Variants in SNAP91 observed in about 807,000 individuals in gnomAD.
The protein encoded by SNAP91 is synaptosome associated protein 91.
SNAP91 carries 27 observed loss-of-function variants against 100.3 expected under a neutral mutation model. The ratio of observed to expected loss-of-function variants is 0.27; its 90% CI spans 0.20 to 0.37. The LOEUF is 0.37. SNAP91 is among the 10% of genes least tolerant of loss of function. The probability of loss-of-function intolerance (pLI) is 1.00; values close to 1 mark genes in which losing one functional copy is unlikely to be tolerated. For missense variants in SNAP91, 986 were observed against 1,123.7 expected (o/e 0.88, Z 1.75); for synonymous variants, 404 against 398.6 (o/e 1.01, Z -0.16).
chr6:83,627,688 T>C (rs217342), intron 8 of SNAP91, among the ~76,000 whole-genome samples: 57,996 of 151,730 alleles, frequency 0.38, 11,558 homozygotes, highest in South Asian at 0.5. Flanking sequence ...GTGGGATCAA[T>C]TGTAATGTCA....
At chr6:83,670,866 T>C (rs2098773067) in intron 2 of SNAP91, among the ~76,000 whole-genome samples, 1 of 152,012 alleles carries the variant, frequency 6.6e-6, no homozygotes, top group African/African-American at 2.4e-5. Flanking sequence ...GACCTATTTG[T>C]CTGTCTTTAT....
rs755370506 is a variant in SNAP91 at position 83,593,642 on chromosome 6, G to C, written c.1532C>G (p.Thr511Arg). 1.9e-5 allele frequency: 31 copies of C among 1,613,340 alleles called. No homozygotes were observed. The highest frequency in any genetic ancestry group is 2.4e-5 in the Non-Finnish European group (28 of 1,179,674). ...PETSVPVVTPTASTAPPVPAT... is the reference protein window; with the variant it reads ...PETSVPVVTPRASTAPPVPAT... The stretch of plus-strand genomic sequence containing the variant: ...GGGAACTGGAGGGGCTGTGCTAGCT[G>C]TAGGGGTAACTACAGGAACACTGGT... The change falls in exon 18 of 30, where the codon ACA becomes AGA. Residue 511 changes from threonine to arginine, a missense_variant. This residue lies in a region of SNAP91 where 575 missense variants were observed against 579.9 expected (regional missense o/e 0.99). Transcript: ENST00000369694.
chr6:83,592,071 T>G (rs1011295919), intron 21 of SNAP91, among the ~76,000 whole-genome samples: 1 of 152,226 alleles, frequency 6.6e-6, no homozygotes, highest in African/African-American at 2.4e-5. Flanking sequence ...ATTTCTAAAT[T>G]ATCTATTAAT....
chr6:83,603,034 T>A (rs754517822), intron 14 of SNAP91, among the ~76,000 whole-genome samples: 11 of 152,176 alleles, frequency 7.2e-5, no homozygotes, highest in African/African-American at 2.7e-4. Context: ...GGTTTTCACA[T>A]ATTTATCATT....
At chr6:83,698,753 A>C (rs2099254821) in intron 2 of SNAP91, among the ~76,000 whole-genome samples, 1 of 152,170 alleles carries the variant, frequency 6.6e-6, no homozygotes, top group African/African-American at 2.4e-5. Flanking sequence ...CCCTTAGGGC[A>C]ATATATGTTT....
In SNAP91 at chr6:83,554,239, A is replaced by C. The variant is rs1198869487; in HGVS notation, c.*57T>G. ...TGAAACTCAGCATCAATCTTATTTG[A>C]AGTCTCCAAACTCATTTATTTTCCT... On this transcript the variant is annotated 3_prime_UTR_variant, in exon 30 of 30. Coordinates refer to ENST00000369694, the MANE Select transcript of SNAP91 (RefSeq NM_001242792.2). 1 of 272,960 alleles carries C rather than the reference A, an allele frequency of 3.7e-6. No homozygotes were observed. The highest frequency in any genetic ancestry group is 7.1e-6 in the Non-Finnish European group (1 of 140,126). The allele number at this position is 272,960 out of a possible 1,614,324, so 16.9% of individuals were successfully genotyped here.
chr6:83,666,469 C>A (rs1487753550), intron 2 of SNAP91, among the ~76,000 whole-genome samples: 1 of 152,096 alleles, frequency 6.6e-6, no homozygotes, highest in Non-Finnish European at 1.5e-5. Context: ...CTTGCAGAGA[C>A]CTGCATGTGA....
At chr6:83,580,744 G>T in intron 23 of SNAP91, 145 bp from the exon 24 acceptor site, 2 of 683,896 alleles carry the variant, frequency 2.9e-6, no homozygotes, top group Non-Finnish European at 4.7e-6. Context: ...CACTTTTCAT[G>T]ACTGTAACAC....
At chr6:83,634,329 ATCT>A (rs2097341860) in intron 8 of SNAP91, among the ~76,000 whole-genome samples, 1 of 152,112 alleles carries the variant, frequency 6.6e-6, no homozygotes, top group South Asian at 2.1e-4. Context: ...TAAGGTCAAA[ATCT>A]TCTCCTGTTA....
Position 83,659,099 on chromosome 6 carries a change from T to C in SNAP91, c.453-7A>G. ...CCTCATTACACCATCGGCCCTACAA[T>C]TAAAAAAAAAAAAAAGGTACAATTT... On this transcript the variant is annotated splice_region_variant and splice_polypyrimidine_tract_variant and intron_variant, in intron 5 of 29. Transcript: ENST00000369694. 6.6e-7 allele frequency: 1 copy of C among 1,506,780 alleles called. No individual in the cohort carries two copies. The highest frequency in any genetic ancestry group is 8.8e-7 in the Non-Finnish European group (1 of 1,130,634). 93.3% of individuals were successfully genotyped at this position (1,506,780 alleles called of 1,614,324 possible). A position where few individuals can be genotyped will look rare whatever the true frequency, so the allele number is the denominator to read the frequency against.
chr6:83,646,725 G>A (rs2097930905), intron 7 of SNAP91, among the ~76,000 whole-genome samples: 1 of 152,122 alleles, frequency 6.6e-6, no homozygotes, highest in Admixed American at 6.5e-5. Flanking sequence ...AATATCCACA[G>A]TTACTTGCTG....
intron 11 of SNAP91, among the ~76,000 whole-genome samples, chr6:83,611,050 G>T (rs1365812894): frequency 6.6e-6 from 1 of 151,854 alleles, no homozygotes; most frequent in Non-Finnish European, 1.5e-5. Context: ...ACCATTTTCA[G>T]AAGGCTTGGA....
At chr6:83,563,786 A>C (rs1792200862) in intron 26 of SNAP91, among the ~76,000 whole-genome samples, 1 of 152,224 alleles carries the variant, frequency 6.6e-6, no homozygotes, top group South Asian at 2.1e-4. Flanking sequence ...AAAATATTAA[A>C]AAATAAATTT....
intron 8 of SNAP91, among the ~76,000 whole-genome samples, chr6:83,637,739 A>G (rs1397489402): frequency 2.0e-5 from 3 of 152,170 alleles, no homozygotes; most frequent in Admixed American, 6.5e-5. Context: ...TTGTACAAGA[A>G]CCTGCACCAG....
At chr6:83,608,105 CA>C (rs1483621009) in intron 12 of SNAP91, among the ~76,000 whole-genome samples, 1 of 152,046 alleles carries the variant, frequency 6.6e-6, no homozygotes, top group African/African-American at 2.4e-5. Flanking sequence ...ATTTCCTGAA[CA>C]TAAAATTATT....
chr6:83,665,127 G>A (rs778613205), intron 3 of SNAP91, among the ~76,000 whole-genome samples: 3 of 152,016 alleles, frequency 2.0e-5, no homozygotes, highest in Non-Finnish European at 4.4e-5. Context: ...TACATGCACT[G>A]GGAAACCAAA....
chr6:83,669,502 T>C (rs1003573805), intron 2 of SNAP91, among the ~76,000 whole-genome samples: 3 of 151,970 alleles, frequency 2.0e-5, no homozygotes, highest in African/African-American at 7.2e-5. Context: ...GAAGTATAGT[T>C]GATATTAGAA....
intron 8 of SNAP91, among the ~76,000 whole-genome samples, chr6:83,624,380 T>A (rs1448320793): frequency 1.3e-5 from 2 of 151,986 alleles, no homozygotes; most frequent in Admixed American, 1.3e-4. Context: ...AGAAACAAAG[T>A]GGGTTAAGCC....
intron 10 of SNAP91, among the ~76,000 whole-genome samples, 154 bp from the exon 11 acceptor site, chr6:83,615,016 A>G (rs1448984564): frequency 6.6e-6 from 1 of 152,226 alleles, no homozygotes; most frequent in African/African-American, 2.4e-5. Flanking sequence ...AAATGATTTT[A>G]AAGGAAAAAG....
Sources: gnomAD v4.1 joint callset for allele counts (sites outside exome capture counted in the v4.1 genomes callset) on GRCh38, gnomAD v4.1.1 for gene constraint, gnomAD v4.1.1 regional missense constraint, MANE v1.5 for transcripts, NCBI Gene and HGNC (gene_info 2026-07-23, HGNC 2026-07-21) for gene names.